TMEM117: variants seen among roughly 807,000 people sequenced by gnomAD.
TMEM117 encodes the protein transmembrane protein 117.
In TMEM117, 27 loss-of-function variants were observed where a neutral mutation model predicts 52.4. The ratio of observed to expected loss-of-function variants is 0.51; its 90% CI spans 0.38 to 0.71. The LOEUF (loss-of-function observed/expected upper bound fraction) is 0.71. Among genes scored for constraint, TMEM117 ranks in the 30% least tolerant of loss-of-function variants. TMEM117 has a pLI of 0.00. For missense variants in TMEM117, 556 were observed against 630.5 expected, an observed-to-expected ratio of 0.88 and a Z score of 1.26; for synonymous variants, 215 against 206.3, an observed-to-expected ratio of 1.04 and a Z score of -0.36.
chr12:44,333,391 A>G (rs1181382956), intron 6 of TMEM117, among the ~76,000 whole-genome samples: 1 of 152,008 alleles, frequency 6.6e-6, no homozygotes, highest in Non-Finnish European at 1.5e-5. Context: ...ATACATATTG[A>G]TATGGTTTGG....
chr12:44,025,042 C>G (rs1468187352), intron 3 of TMEM117, among the ~76,000 whole-genome samples: 3 of 152,132 alleles, frequency 2.0e-5, no homozygotes, highest in African/African-American at 7.2e-5. Flanking sequence ...ATAGGACTCA[C>G]TGTATAGTAA....
At chr12:43,799,839 C>A in the TMEM117 span, among the ~76,000 whole-genome samples, 3 of 151,974 alleles carry the variant, frequency 2.0e-5, no homozygotes. Context: ...CAATGATTAT[C>A]CAATAATCAA....
At chr12:44,308,840 C>G (rs1269760074) in intron 6 of TMEM117, among the ~76,000 whole-genome samples, 1 of 152,030 alleles carries the variant, frequency 6.6e-6, no homozygotes, top group African/African-American at 2.4e-5. Flanking sequence ...AGGATGGTCT[C>G]GATCTCCTGA....
intron 5 of TMEM117, among the ~76,000 whole-genome samples, chr12:44,221,410 G>T (rs1457018922): frequency 6.6e-6 from 1 of 152,138 alleles, no homozygotes; most frequent in Non-Finnish European, 1.5e-5. Flanking sequence ...CAGTGTGTGT[G>T]CCCTAGCATA....
chr12:43,915,532 G>C (rs1944586710), intron 2 of TMEM117, among the ~76,000 whole-genome samples: 1 of 152,100 alleles, frequency 6.6e-6, no homozygotes, highest in Non-Finnish European at 1.5e-5. Context: ...ATCCCCTTCA[G>C]TGACCAACTT....
intron 7 of TMEM117, among the ~76,000 whole-genome samples, chr12:44,383,312 A>C (rs143310825): frequency 6.6e-6 from 1 of 152,088 alleles, no homozygotes; most frequent in African/African-American, 2.4e-5. Flanking sequence ...TTAGTTGAAA[A>C]AAATAACACT....
intron 2 of TMEM117, among the ~76,000 whole-genome samples, chr12:43,862,973 AAAAC>A (rs1220441386): frequency 2.0e-5 from 3 of 149,942 alleles, no homozygotes; most frequent in Admixed American, 6.7e-5. Flanking sequence ...CTCAAACTGA[AAAAC>A]AAACAAACAA....
chr12:44,230,751 T>A (rs1949922125), intron 5 of TMEM117, among the ~76,000 whole-genome samples: 1 of 152,040 alleles, frequency 6.6e-6, no homozygotes, highest in African/African-American at 2.4e-5. Context: ...GCGTCTTTTT[T>A]CTTGGGCCTT....
chr12:44,287,415 C>G (rs1357012897), intron 5 of TMEM117, among the ~76,000 whole-genome samples: 2 of 152,100 alleles, frequency 1.3e-5, no homozygotes, highest in Non-Finnish European at 2.9e-5. Context: ...AGAAACCCCC[C>G]AAGAAGTATG....
intron 1 of TMEM117, among the ~76,000 whole-genome samples, chr12:43,837,409 G>A (rs946807507): frequency 6.6e-6 from 1 of 152,026 alleles, no homozygotes; most frequent in Admixed American, 6.5e-5. Flanking sequence ...GCAGTGCCAT[G>A]ATTTCCAGCT....
chr12:44,245,211 G>GT lies in TMEM117; in HGVS notation c.608+33833dup, dbSNP rs201628953. On this transcript the variant is annotated intron_variant, in intron 5 of 7. Transcript: ENST00000266534. Reference sequence around the variant, plus strand: ...CCATACACATTTTAGAGTTTTTAGAGTTTTTTTTTCTCTTTCTGTGAAGAA... The same window carrying GT: ...CCATACACATTTTAGAGTTTTTAGAGTTTTTTTTTTCTCTTTCTGTGAAGAA... 9.7e-3 allele frequency among the ~76,000 whole-genome samples: 1,465 copies of GT among 150,474 alleles called. 23 individuals carry two copies. The highest frequency in any genetic ancestry group is 0.037 in the Admixed American group (555 of 15,138).
intron 3 of TMEM117, among the ~76,000 whole-genome samples, chr12:44,102,790 A>G (rs907289923): frequency 6.6e-6 from 1 of 151,996 alleles, no homozygotes; most frequent in East Asian, 1.9e-4. Context: ...TGTAGTTTCC[A>G]TAATCCCCAC....
At chr12:44,311,731 A>ATATGTGTATATATGTATATATATATG (rs1555150171) in intron 6 of TMEM117, among the ~76,000 whole-genome samples, 1 of 139,890 alleles carries the variant, frequency 7.1e-6, no homozygotes, top group African/African-American at 2.8e-5. Flanking sequence ...ATATATGTAT[A>ATATGTGTATATATGTATATATATATG]TATATATGTA....
chr12:43,869,477 A>G (rs1367868190), intron 2 of TMEM117, among the ~76,000 whole-genome samples: 7 of 152,246 alleles, frequency 4.6e-5, no homozygotes, highest in African/African-American at 2.4e-5. Flanking sequence ...CAAGTAATGT[A>G]TGCTTAACAG....
chr12:44,085,198 TAC>T (rs1947546155), intron 3 of TMEM117, among the ~76,000 whole-genome samples: 1 of 152,228 alleles, frequency 6.6e-6, no homozygotes, highest in Non-Finnish European at 1.5e-5. Context: ...GGCCTACTTT[TAC>T]ACGTGTTTTG....
chr12:43,874,505 C>T (rs1242334813), intron 2 of TMEM117, among the ~76,000 whole-genome samples: 3 of 152,022 alleles, frequency 2.0e-5, no homozygotes, highest in Non-Finnish European at 2.9e-5. Flanking sequence ...GCAGGAGAAT[C>T]GCTTGAACCC....
chr12:44,255,088 T>C lies in TMEM117; in HGVS notation c.608+43701T>C, dbSNP rs561737015. Among the ~76,000 whole-genome samples, 252 of 152,310 alleles carry C rather than the reference T, an allele frequency of 1.7e-3. 1 individual carries two copies. The highest frequency in any genetic ancestry group is 5.7e-3 in the African/African-American group (237 of 41,572). On this transcript the variant is annotated intron_variant, in intron 5 of 7. Coordinates refer to ENST00000266534, the MANE Select transcript of TMEM117 (RefSeq NM_032256.3). ...GGACATTTGGGTTGGTTCCAAGTCT[T>C]TGCTATTGTGAATAGTGCCACAATA...
intron 6 of TMEM117, among the ~76,000 whole-genome samples, chr12:44,357,156 A>T (rs948152143): frequency 6.6e-6 from 1 of 152,180 alleles, no homozygotes; most frequent in African/African-American, 2.4e-5. Flanking sequence ...TCTTTTCAAC[A>T]GAGAACAAAA....
intron 2 of TMEM117, among the ~76,000 whole-genome samples, chr12:43,861,833 A>G (rs1387065669): frequency 6.6e-6 from 1 of 152,214 alleles, no homozygotes; most frequent in Non-Finnish European, 1.5e-5. Flanking sequence ...TTTTGTTCTT[A>G]TAAGTTATGT....
Sources: allele counts gnomAD v4.1 joint callset (sites outside exome capture counted in the v4.1 genomes callset), GRCh38; gene constraint gnomAD v4.1.1; transcripts MANE v1.5; gene names NCBI Gene and HGNC (gene_info 2026-07-23, HGNC 2026-07-21).